Variants in CHN2 observed in about 807,000 individuals in gnomAD.
CHN2 encodes chimerin 2.
In CHN2, 35 loss-of-function variants were observed where a neutral mutation model predicts 56.3. The observed-to-expected ratio is 0.62, with a 90% confidence interval of 0.47 to 0.82. The LOEUF is 0.82. CHN2 is among the 40% of genes least tolerant of loss of function. The pLI is 0.00. For missense variants in CHN2, 491 were observed against 580.5 expected (o/e 0.85, Z 1.58); for synonymous variants, 210 against 212.8 (o/e 0.99, Z 0.12).
At chr7:29,235,939 C>A (rs1005695581) in intron 1 of CHN2, among the ~76,000 whole-genome samples, 1 of 152,184 alleles carries the variant, frequency 6.6e-6, no homozygotes, top group African/African-American at 2.4e-5. Flanking sequence ...GGGTACTATG[C>A]TCATTACATG....
intron 2 of CHN2, among the ~76,000 whole-genome samples, chr7:29,182,897 A>G (rs1304705752): frequency 1.3e-5 from 2 of 152,114 alleles, no homozygotes; most frequent in Non-Finnish European, 2.9e-5. Context: ...GCTGCCTTTA[A>G]ATGGCTTGAG....
intron 6 of CHN2, among the ~76,000 whole-genome samples, chr7:29,461,862 G>C (rs762122340): frequency 6.1e-5 from 9 of 146,992 alleles, no homozygotes; most frequent in Non-Finnish European, 8.8e-5. Flanking sequence ...ATGGATGGAT[G>C]GATGGATGGA....
At chr7:29,290,356 T>C (rs1172432999) in intron 1 of CHN2, among the ~76,000 whole-genome samples, 2 of 152,246 alleles carry the variant, frequency 1.3e-5, no homozygotes, top group African/African-American at 4.8e-5. Context: ...CTCTGTTCCT[T>C]GTGGTTCTGT....
At chr7:29,178,329 C>T (rs370644696) in intron 2 of CHN2, among the ~76,000 whole-genome samples, 25 of 152,172 alleles carry the variant, frequency 1.6e-4, no homozygotes, top group African/African-American at 5.3e-4. Context: ...TCCACTATGA[C>T]CCACGTGGCT....
At chr7:29,163,826 G>A (rs1795526647) in intron 2 of CHN2, among the ~76,000 whole-genome samples, 1 of 152,148 alleles carries the variant, frequency 6.6e-6, no homozygotes, top group Non-Finnish European at 1.5e-5. Flanking sequence ...GTTACTTTAA[G>A]ATTCATCTAT....
chr7:29,162,697 G>C (rs1294654335), intron 2 of CHN2, among the ~76,000 whole-genome samples: 1 of 150,732 alleles, frequency 6.6e-6, no homozygotes, highest in African/African-American at 2.4e-5. Context: ...TATGACAAGT[G>C]ACAAAAGCCA....
At chr7:29,363,441 T>C (rs1009575133) in intron 2 of CHN2, among the ~76,000 whole-genome samples, 3 of 152,162 alleles carry the variant, frequency 2.0e-5, no homozygotes, top group Non-Finnish European at 4.4e-5. Flanking sequence ...GCCGAGATTG[T>C]GCCACTGCAC....
intron 1 of CHN2, among the ~76,000 whole-genome samples, chr7:29,244,627 G>A (rs571057768): frequency 2.0e-5 from 3 of 152,248 alleles, no homozygotes; most frequent in East Asian, 1.9e-4. Flanking sequence ...GTGTACGTGC[G>A]CGCCATATGT....
intron 1 of CHN2, among the ~76,000 whole-genome samples, chr7:29,321,573 T>TCTTTC (rs67722997): frequency 4.6e-5 from 4 of 86,890 alleles, no homozygotes; most frequent in Non-Finnish European, 1.3e-4. Flanking sequence ...TTTCTTTCTT[T>TCTTTC]TTTTTTTTTT....
chr7:29,146,613 G>A (rs1334389260), exon 1 of CHN2: 1 of 1,550,464 alleles, frequency 6.4e-7, no homozygotes. Context: ...CAAAAAGTGC[G>A]TCGTCGTGTC....
chr7:29,187,351 G>A (rs1477578314), intron 2 of CHN2, among the ~76,000 whole-genome samples: 2 of 152,056 alleles, frequency 1.3e-5, no homozygotes, highest in African/African-American at 4.8e-5. Flanking sequence ...GTGTCTGTGT[G>A]TGTGTGTGTG....
intron 6 of CHN2, among the ~76,000 whole-genome samples, chr7:29,417,645 T>G (rs943298364): frequency 6.6e-6 from 1 of 152,160 alleles, no homozygotes; most frequent in Non-Finnish European, 1.5e-5. Context: ...TTTGCAAAAA[T>G]CAGGCAATTT....
intron 4 of CHN2, 185 bp from the exon 5 acceptor site, chr7:29,398,188 C>T (rs1801914627): frequency 2.3e-6 from 1 of 430,802 alleles, no homozygotes; most frequent in Non-Finnish European, 4.1e-6. Flanking sequence ...TGCTTGAATA[C>T]TTGTGTTTGG....
chr7:29,172,438 A>G (rs934860815), intron 2 of CHN2, among the ~76,000 whole-genome samples: 1 of 152,192 alleles, frequency 6.6e-6, no homozygotes, highest in African/African-American at 2.4e-5. Flanking sequence ...TGTCTCATCT[A>G]TCATCATATT....
intron 6 of CHN2, among the ~76,000 whole-genome samples, chr7:29,439,925 G>A (rs780406227): frequency 1.3e-4 from 20 of 152,306 alleles, no homozygotes; most frequent in Non-Finnish European, 2.4e-4. Flanking sequence ...GGCAAACCGA[G>A]TCTTGTGAAG....
chr7:29,273,355 A>G lies in CHN2; in HGVS notation c.49+78365A>G, dbSNP rs1164886619. Among the ~76,000 whole-genome samples the G allele has an allele frequency of 8.4e-4, 63 of 74,974 alleles. 2 individuals are homozygous for G. The highest frequency in any genetic ancestry group is 2.0e-3 in the African/African-American group (36 of 18,096). 49.2% of individuals were successfully genotyped at this position (74,974 alleles called of 152,430 possible). ...TATATATATATGTGTATATATATAT[A>G]TATATATATATATATATATATATAT... On this transcript the variant is annotated intron_variant, in intron 1 of 12. Transcript: ENST00000222792.
chr7:29,312,956 C>A (rs780994912), intron 1 of CHN2, among the ~76,000 whole-genome samples: 6 of 152,102 alleles, frequency 3.9e-5, no homozygotes, highest in Non-Finnish European at 8.8e-5. Flanking sequence ...ACATTGAATT[C>A]TGATGGCTAT....
chr7:29,311,004 G>C (rs10486611), intron 1 of CHN2, among the ~76,000 whole-genome samples: 9,084 of 152,240 alleles, frequency 0.06, 351 homozygotes, highest in East Asian at 0.2. Context: ...AACAAAACAA[G>C]TCATTAATGT....
intron 6 of CHN2, among the ~76,000 whole-genome samples, chr7:29,418,336 A>G (rs1401216386): frequency 1.3e-5 from 2 of 152,262 alleles, no homozygotes; most frequent in South Asian, 2.1e-4. Context: ...GGGAGGAGGC[A>G]TGATGCCAAA....
Sources: allele counts gnomAD v4.1 joint callset (sites outside exome capture counted in the v4.1 genomes callset), GRCh38; gene constraint gnomAD v4.1.1; transcripts MANE v1.5; gene names NCBI Gene and HGNC (gene_info 2026-07-23, HGNC 2026-07-21).